The following CSMD3 variants were observed in gnomAD, a reference collection of about 807,000 sequenced individuals.
CSMD3 encodes the protein CUB and sushi domain-containing protein 3.
A neutral mutation model predicts 435.2 loss-of-function variants in CSMD3; 177 were observed. The ratio of observed to expected loss-of-function variants is 0.41; its 90% CI spans 0.36 to 0.46. CSMD3 has a LOEUF of 0.46. Among genes scored for constraint, CSMD3 ranks in the 20% least tolerant of loss-of-function variants. CSMD3 has a pLI of 0.34. For synonymous variants in CSMD3, 1,656 were observed against 1,520.5 expected (o/e 1.09, Z -2.07); for missense variants, 4,265 against 4,504.6 (o/e 0.95, Z 1.52).
Position 113,012,559 on chromosome 8 carries a change from G to A in CSMD3, c.1030+6508C>T, listed in dbSNP as rs553482798. ...TCTGTTGATAGTGAGTGAATTCTCAGAAGAGCTGATGGTTTTATAAATGGT... is the reference window on the plus strand; with the variant it reads ...TCTGTTGATAGTGAGTGAATTCTCAAAAGAGCTGATGGTTTTATAAATGGT... On this transcript the variant is annotated intron_variant, in intron 6 of 70. Transcript: ENST00000297405. Among the ~76,000 whole-genome samples the A allele has an allele frequency of 1.8e-4, 28 of 152,116 alleles. No homozygotes were observed. In the South Asian group the frequency reaches 5.2e-3, roughly 28 times the overall value.
At chr8:113,330,739 A>T (rs1563709084) in intron 1 of CSMD3, among the ~76,000 whole-genome samples, 3 of 151,944 alleles carry the variant, frequency 2.0e-5, no homozygotes, top group Admixed American at 6.5e-5. Context: ...TTAATAAAAA[A>T]ATATGAAAAT....
chr8:112,503,656 G>A (rs1822209039), intron 30 of CSMD3, 134 bp downstream of exon 30: 2 of 586,764 alleles, frequency 3.4e-6, no homozygotes, highest in East Asian at 2.9e-5. Context: ...GCTTTTATGA[G>A]ATGAACTGTA....
chr8:113,361,675 C>T (rs531557469), intron 1 of CSMD3, among the ~76,000 whole-genome samples: 1 of 150,806 alleles, frequency 6.6e-6, no homozygotes, highest in Non-Finnish European at 1.5e-5. Flanking sequence ...CAAATATAAC[C>T]TTAATAACAT....
chr8:112,859,354 C>T (rs1221138398), intron 10 of CSMD3, 88 bp from the exon 11 acceptor site: 2 of 1,031,454 alleles, frequency 1.9e-6, no homozygotes, highest in Non-Finnish European at 3.0e-6. Flanking sequence ...ACTTTACATT[C>T]AAAATGACAC....
At chr8:113,077,125 C>T (rs535627631) in intron 5 of CSMD3, among the ~76,000 whole-genome samples, 28 of 152,046 alleles carry the variant, frequency 1.8e-4, no homozygotes, top group African/African-American at 4.1e-4. Context: ...CACATACACA[C>T]GAGTGCATAT....
intron 13 of CSMD3, among the ~76,000 whole-genome samples, chr8:112,757,451 A>G (rs1205256875): frequency 6.6e-6 from 1 of 152,134 alleles, no homozygotes; most frequent in Non-Finnish European, 1.5e-5. Context: ...ATGCTTACAT[A>G]TAAGAGGTCT....
chr8:113,336,113 T>G (rs544977625), intron 1 of CSMD3, among the ~76,000 whole-genome samples: 1 of 152,234 alleles, frequency 6.6e-6, no homozygotes, highest in African/African-American at 2.4e-5. Context: ...TTTTTTGGCC[T>G]ACTTTCTTCC....
chr8:112,665,133 G>A (rs1305116638), intron 17 of CSMD3, among the ~76,000 whole-genome samples: 5 of 152,060 alleles, frequency 3.3e-5, no homozygotes, highest in Non-Finnish European at 7.4e-5. Flanking sequence ...ACAGGCCACC[G>A]ACTGATCAGA....
intron 9 of CSMD3, among the ~76,000 whole-genome samples, chr8:112,934,583 T>A (rs1331185008): frequency 6.6e-6 from 1 of 152,158 alleles, no homozygotes; most frequent in Non-Finnish European, 1.5e-5. Context: ...CTGTGGAGCA[T>A]AAAATGAGGG....
At chr8:113,124,959 C>G (rs1203291730) in intron 4 of CSMD3, among the ~76,000 whole-genome samples, 1 of 151,886 alleles carries the variant, frequency 6.6e-6, no homozygotes, top group Non-Finnish European at 1.5e-5. Context: ...TTAAAATTCT[C>G]AATGGTTTCT....
chr8:112,664,494 A>G (rs1156735224), intron 17 of CSMD3, among the ~76,000 whole-genome samples: 1 of 152,186 alleles, frequency 6.6e-6, no homozygotes, highest in Non-Finnish European at 1.5e-5. Flanking sequence ...AATAGGGGAT[A>G]CGGTTTTAAC....
At chr8:112,655,402 A>T (rs767539119) in intron 18 of CSMD3, among the ~76,000 whole-genome samples, 1 of 152,240 alleles carries the variant, frequency 6.6e-6, no homozygotes, top group East Asian at 1.9e-4. Flanking sequence ...CATGATGAAA[A>T]TGTACACATA....
At chr8:112,776,298 C>A (rs986957549) in intron 13 of CSMD3, among the ~76,000 whole-genome samples, 5 of 151,710 alleles carry the variant, frequency 3.3e-5, no homozygotes, top group Admixed American at 6.6e-5. Context: ...TATTTTACCC[C>A]ATTATTGAAT....
At chr8:113,197,852 T>C (rs1215844430) in intron 3 of CSMD3, among the ~76,000 whole-genome samples, 1 of 151,276 alleles carries the variant, frequency 6.6e-6, no homozygotes, top group Non-Finnish European at 1.5e-5. Context: ...GTTTATTAGA[T>C]AGCACAACAT....
At chr8:113,367,910 T>A (rs1440621875) in intron 1 of CSMD3, among the ~76,000 whole-genome samples, 2 of 152,144 alleles carry the variant, frequency 1.3e-5, no homozygotes, top group African/African-American at 4.8e-5. Context: ...ATAATTGCAA[T>A]CTAAATTATT....
chr8:112,390,066 A>G (rs1830289783), intron 36 of CSMD3, among the ~76,000 whole-genome samples: 1 of 152,232 alleles, frequency 6.6e-6, no homozygotes, highest in Non-Finnish European at 1.5e-5. Context: ...GATACGTAAT[A>G]TAGTTTTATT....
chr8:112,552,795 A>G, intron 25 of CSMD3, 75 bp from the exon 26 acceptor site: 1 of 1,312,468 alleles, frequency 7.6e-7, no homozygotes, highest in East Asian at 2.4e-5. Flanking sequence ...ATTTCTCATG[A>G]GTAGACAAAA....
At chr8:113,196,692 C>T (rs376781616) in intron 3 of CSMD3, among the ~76,000 whole-genome samples, 131 of 151,306 alleles carry the variant, frequency 8.7e-4, no homozygotes, top group African/African-American at 2.9e-3. Flanking sequence ...AAGTCTTGAA[C>T]AAGTGGTAAA....
At chr8:112,286,868 G>A (rs1819257232) in intron 58 of CSMD3, among the ~76,000 whole-genome samples, 196 bp downstream of exon 58, 1 of 152,038 alleles carries the variant, frequency 6.6e-6, no homozygotes, top group Non-Finnish European at 1.5e-5. Context: ...TATGACCAAT[G>A]AGGGTTTTTT....
Sources: gnomAD v4.1 joint callset for allele counts (sites outside exome capture counted in the v4.1 genomes callset) on GRCh38, gnomAD v4.1.1 for gene constraint, MANE v1.5 for transcripts, NCBI Gene and HGNC (gene_info 2026-07-23, HGNC 2026-07-21) for gene names.